ELL2: variants seen among roughly 807,000 people sequenced by gnomAD.
ELL2 encodes elongation factor for RNA polymerase II 2, also known as RNA polymerase II elongation factor ELL2.
A neutral mutation model predicts 72.8 loss-of-function variants in ELL2; 21 were observed. The observed-to-expected ratio is 0.29, with a 90% confidence interval of 0.20 to 0.42. ELL2 has a LOEUF of 0.42. ELL2 is among the 10% of genes least tolerant of loss of function. The pLI, the probability that ELL2 is intolerant of heterozygous loss-of-function variation, is 1.00. For synonymous variants in ELL2, 266 were observed against 283.2 expected, an observed-to-expected ratio of 0.94 and a Z score of 0.61; for missense variants, 568 against 772.8, an observed-to-expected ratio of 0.73 and a Z score of 3.14.
chr5:95,890,879 A>G (rs1580475103), intron 10 of ELL2: 1 of 554,852 alleles, frequency 1.8e-6, no homozygotes, highest in Non-Finnish European at 3.2e-6. Flanking sequence ...TATGTGATAC[A>G]TTATAGTGGC....
In ELL2 at chr5:95,961,398, G is replaced by C. The variant is rs937706450; in HGVS notation, c.147+177C>G. Among the ~76,000 whole-genome samples, 3 of 151,712 alleles carry C rather than the reference G, an allele frequency of 2.0e-5. No homozygotes were observed. The East Asian group carries it at 5.9e-4, about 30-fold the overall frequency. ...GACTGCCCGCTTCCCCAACGCCCAG[G>C]CTAGCCCGGGACCGCGGCGTCAGCC... On this transcript the variant is annotated intron_variant, in intron 1 of 11. Coordinates refer to ENST00000237853, the MANE Select transcript of ELL2 (RefSeq NM_012081.6).
intron 2 of ELL2, among the ~76,000 whole-genome samples, chr5:95,940,066 G>C (rs1264844563): frequency 6.6e-6 from 1 of 152,154 alleles, no homozygotes; most frequent in African/African-American, 2.4e-5. Flanking sequence ...TGATATTCAT[G>C]AGTTTAGAAA....
At chr5:95,919,793 T>C (rs1361337128) in intron 2 of ELL2, among the ~76,000 whole-genome samples, 1 of 152,234 alleles carries the variant, frequency 6.6e-6, no homozygotes, top group African/African-American at 2.4e-5. Flanking sequence ...CAATAGTTTC[T>C]ATTAGTTTAT....
At chr5:95,920,271 T>A (rs930844796) in intron 2 of ELL2, among the ~76,000 whole-genome samples, 2 of 145,670 alleles carry the variant, frequency 1.4e-5, no homozygotes, top group African/African-American at 5.0e-5. Flanking sequence ...TATTTTTAAA[T>A]TTTTAATATT....
intron 1 of ELL2, among the ~76,000 whole-genome samples, chr5:95,946,535 C>A (rs942508170): frequency 1.3e-5 from 2 of 152,214 alleles, no homozygotes; most frequent in Non-Finnish European, 2.9e-5. Context: ...GAACCTCTCT[C>A]ATATACCACT....
chr5:95,906,198 A>C (rs559584789), intron 5 of ELL2, among the ~76,000 whole-genome samples: 11 of 152,328 alleles, frequency 7.2e-5, no homozygotes, highest in African/African-American at 1.4e-4. Context: ...GACAATAATC[A>C]ATACAAATTA....
intron 8 of ELL2, 75 bp from the exon 9 acceptor site, chr5:95,895,766 A>T (rs1443746782): frequency 3.6e-6 from 4 of 1,125,504 alleles, no homozygotes; most frequent in Non-Finnish European, 5.4e-6. Flanking sequence ...TCTAAAATAG[A>T]TTAGAAACAT....
chr5:95,959,983 G>A (rs12517786), intron 1 of ELL2, among the ~76,000 whole-genome samples: 5,779 of 152,064 alleles, frequency 0.038, 180 homozygotes, highest in Admixed American at 0.077. Context: ...CTTATGGGGT[G>A]GGGGGGCTCT....
intron 2 of ELL2, among the ~76,000 whole-genome samples, chr5:95,937,977 T>C (rs1436747441): frequency 6.6e-6 from 1 of 152,168 alleles, no homozygotes; most frequent in African/African-American, 2.4e-5. Flanking sequence ...AGGAACCAAG[T>C]AGGGTAGGGA....
At chr5:95,915,440 T>C (rs78787257) in intron 3 of ELL2, among the ~76,000 whole-genome samples, 3,734 of 152,326 alleles carry the variant, frequency 0.025, 146 homozygotes, top group African/African-American at 0.086. Context: ...TCTTTACAAA[T>C]GCTATTTAAG....
intron 2 of ELL2, among the ~76,000 whole-genome samples, chr5:95,942,682 T>A: frequency 6.6e-6 from 1 of 152,212 alleles, no homozygotes; most frequent in Middle Eastern, 3.2e-3. Context: ...CCCGTATGGA[T>A]GTTAAGCTGT....
chr5:95,900,981 G>T lies in ELL2; in HGVS notation c.841C>A (p.Arg281=), dbSNP rs535173054. The T allele has an allele frequency of 6.2e-7, 1 of 1,611,160 alleles. No homozygotes were observed. The highest frequency in any genetic ancestry group is 1.1e-5 in the South Asian group (1 of 90,238). Residue 281 remains arginine, a synonymous_variant, in exon 6 of 12, where the codon CGG becomes AGG. Transcript: ENST00000237853. ...CTAGAGAGCACTGACTCCAATGACC[G>T]TCTGTCTATTTCACTGTATCCAGGC... The part of the protein sequence containing the change: ...DWPGYSEIDR[R]SLESVLSRKL...
At chr5:95,930,844 T>C (rs1211239994) in intron 2 of ELL2, among the ~76,000 whole-genome samples, 2 of 152,158 alleles carry the variant, frequency 1.3e-5, no homozygotes, top group Non-Finnish European at 2.9e-5. Flanking sequence ...ATTAATTAAA[T>C]TGTAGTCAAA....
chr5:95,960,131 T>C (rs1751762783), intron 1 of ELL2, among the ~76,000 whole-genome samples: 2 of 152,048 alleles, frequency 1.3e-5, no homozygotes, highest in Admixed American at 1.3e-4. Flanking sequence ...CACTTTTAGC[T>C]GAATAACTAT....
Position 95,889,926 on chromosome 5 carries a change from A to C in ELL2, c.1762-796T>G, listed in dbSNP as rs897924261. On this transcript the variant is annotated intron_variant, in intron 10 of 11. Coordinates refer to ENST00000237853, the MANE Select transcript of ELL2 (RefSeq NM_012081.6). Reference sequence around the variant, plus strand: ...GGTGCCTGGGGGGGATAATAGCCTAATGTATGTACCAAGTACCAGGCATGG... The same window carrying C: ...GGTGCCTGGGGGGGATAATAGCCTACTGTATGTACCAAGTACCAGGCATGG... Among the ~76,000 whole-genome samples, 3 of 151,888 alleles carry C rather than the reference A, an allele frequency of 2.0e-5. No homozygotes were observed. In the East Asian group the frequency reaches 5.8e-4, roughly 29 times the overall value.
At chr5:95,908,632 A>T (rs1301583701) in intron 4 of ELL2, among the ~76,000 whole-genome samples, 1 of 152,176 alleles carries the variant, frequency 6.6e-6, no homozygotes, top group African/African-American at 2.4e-5. Flanking sequence ...TGCCAGTGTG[A>T]ATACACACTG....
chr5:95,934,289 T>C (rs887183804), intron 2 of ELL2, among the ~76,000 whole-genome samples: 12 of 152,198 alleles, frequency 7.9e-5, no homozygotes. Flanking sequence ...GAACTGCCCT[T>C]TTCCTATGGC....
intron 2 of ELL2, among the ~76,000 whole-genome samples, chr5:95,926,284 AT>A (rs1240905971): frequency 6.6e-6 from 1 of 152,158 alleles, no homozygotes; most frequent in Non-Finnish European, 1.5e-5. Context: ...AAAGTTAAGT[AT>A]TAGAGAAATC....
intron 4 of ELL2, among the ~76,000 whole-genome samples, chr5:95,908,952 G>T (rs1440509583): frequency 6.6e-6 from 1 of 152,106 alleles, no homozygotes; most frequent in Non-Finnish European, 1.5e-5. Flanking sequence ...CATTTAGGAT[G>T]AATTCAAGCA....
Sources: gnomAD v4.1 joint callset for allele counts (sites outside exome capture counted in the v4.1 genomes callset) on GRCh38, gnomAD v4.1.1 for gene constraint, MANE v1.5 for transcripts, NCBI Gene and HGNC (gene_info 2026-07-23, HGNC 2026-07-21) for gene names.